GATB: variants seen among roughly 807,000 people sequenced by gnomAD.
The protein encoded by GATB is glutamyl-tRNA(Gln) amidotransferase subunit B, mitochondrial.
GATB carries 39 observed loss-of-function variants against 62.3 expected under a neutral mutation model. That is an observed-to-expected ratio of 0.63 (90% CI 0.48 to 0.82). The LOEUF (loss-of-function observed/expected upper bound fraction) is 0.82. Ranked by LOEUF, GATB falls within the 40% of genes least tolerant of loss-of-function variation. The pLI, the probability that GATB is intolerant of heterozygous loss-of-function variation, is 0.00. For missense variants in GATB, 670 were observed against 684.0 expected (o/e 0.98, Z 0.23); for synonymous variants, 276 against 258.9 (o/e 1.07, Z -0.63).
chr4:151,734,034 G>C (rs1739320516), intron 2 of GATB, among the ~76,000 whole-genome samples: 1 of 152,110 alleles, frequency 6.6e-6, no homozygotes, highest in Non-Finnish European at 1.5e-5. Context: ...TCTGAGAACT[G>C]GAACAAGACA....
intron 7 of GATB, among the ~76,000 whole-genome samples, chr4:151,704,834 C>G (rs1182189133): frequency 6.6e-6 from 1 of 151,904 alleles, no homozygotes; most frequent in Admixed American, 6.6e-5. Context: ...CTGCAAGCGC[C>G]GCCTCCCGGG....
intron 2 of GATB, among the ~76,000 whole-genome samples, chr4:151,751,290 G>A (rs1036010232): frequency 3.9e-5 from 6 of 152,156 alleles, no homozygotes; most frequent in Admixed American, 3.3e-4. Flanking sequence ...ATTACCTAAC[G>A]TTATCTTGTA....
chr4:151,694,400 C>G (rs534808971), intron 9 of GATB, among the ~76,000 whole-genome samples: 3 of 152,112 alleles, frequency 2.0e-5, no homozygotes, highest in Non-Finnish European at 4.4e-5. Context: ...TCTGAAAGCT[C>G]CTCATCCCTT....
chr4:151,723,299 C>T (rs1350595267), intron 2 of GATB: 1 of 152,142 alleles, frequency 6.6e-6, no homozygotes, highest in African/African-American at 2.4e-5. Flanking sequence ...CCTCATCTTA[C>T]AATGAAGGGA....
intron 9 of GATB, among the ~76,000 whole-genome samples, chr4:151,692,489 A>G (rs1738385641): frequency 6.6e-6 from 1 of 152,244 alleles, no homozygotes; most frequent in Non-Finnish European, 1.5e-5. Flanking sequence ...TGAAATCAGA[A>G]GGAGAAAATG....
At chr4:151,686,510 G>C (rs12647616) in intron 10 of GATB, among the ~76,000 whole-genome samples, 1 of 151,232 alleles carries the variant, frequency 6.6e-6, no homozygotes, top group African/African-American at 2.4e-5. Flanking sequence ...CCCCTGCCCC[G>C]GGACCTTGCA....
chr4:151,697,973 A>ATATATATATGTGTGTATATG (rs1738518973), intron 9 of GATB, among the ~76,000 whole-genome samples: 1 of 100,468 alleles, frequency 1.0e-5, no homozygotes, highest in African/African-American at 4.4e-5. Context: ...ATATATATAT[A>ATATATATATGTGTGTATATG]TATATATATA....
intron 9 of GATB, among the ~76,000 whole-genome samples, chr4:151,697,969 A>ATATATATATGTGTG (rs1738517975): frequency 9.8e-6 from 1 of 102,484 alleles, no homozygotes; most frequent in Non-Finnish European, 1.8e-5. Flanking sequence ...ATATATATAT[A>ATATATATATGTGTG]TATATATATA....
At chr4:151,759,617 T>A (rs1480304990) in intron 1 of GATB, among the ~76,000 whole-genome samples, 1 of 152,172 alleles carries the variant, frequency 6.6e-6, no homozygotes, top group East Asian at 1.9e-4. Context: ...TAATGCTTAT[T>A]TGCTATCAAA....
chr4:151,686,053 AAAAAC>A (rs1317596545), intron 10 of GATB, among the ~76,000 whole-genome samples: 2 of 127,766 alleles, frequency 1.6e-5, no homozygotes, highest in African/African-American at 6.5e-5. Context: ...ACTCTGTCTA[AAAAAC>A]AAAACAAAAC....
At chr4:151,757,704 C>T (rs1282650484) in intron 2 of GATB, among the ~76,000 whole-genome samples, 1 of 152,078 alleles carries the variant, frequency 6.6e-6, no homozygotes, top group Admixed American at 6.5e-5. Flanking sequence ...GTCTCGATCT[C>T]CTGACCTTGT....
rs536731064 is a variant in GATB, at chr4:151,682,395, A to C, written c.1332-2504T>G. On this transcript the variant is annotated intron_variant, in intron 10 of 12. Coordinates refer to ENST00000263985, the MANE Select transcript of GATB (RefSeq NM_004564.3). ...TCATCGCCTAAATAAATAAACCCTC[A>C]GACTCGACACGCAATGGCAGCAGCA... Among the ~76,000 whole-genome samples the C allele has an allele frequency of 2.0e-5, 3 of 152,314 alleles. No homozygotes were observed. In the East Asian group the frequency reaches 5.8e-4, roughly 29 times the overall value.
intron 9 of GATB, chr4:151,691,797 T>A (rs1738370839): frequency 6.6e-6 from 1 of 152,154 alleles, no homozygotes; most frequent in Non-Finnish European, 1.5e-5. Context: ...TGGACTATAT[T>A]TATTTACGAG....
chr4:151,711,529 G>A (rs771803181), intron 5 of GATB, among the ~76,000 whole-genome samples: 8 of 152,120 alleles, frequency 5.3e-5, no homozygotes, highest in Middle Eastern at 3.2e-3. Flanking sequence ...TGGAATGCTC[G>A]TCTCCTGGCT....
intron 2 of GATB, among the ~76,000 whole-genome samples, chr4:151,727,315 A>G (rs1739156267): frequency 1.3e-5 from 2 of 152,246 alleles, no homozygotes; most frequent in South Asian, 4.1e-4. Context: ...GGCCTACATC[A>G]GTCCTAGGTC....
intron 1 of GATB, among the ~76,000 whole-genome samples, chr4:151,760,444 C>G (rs1739930183): frequency 6.6e-6 from 1 of 152,200 alleles, no homozygotes; most frequent in African/African-American, 2.4e-5. Context: ...CCAGCCCATA[C>G]TAGCGCTAAA....
At chr4:151,751,355 T>C (rs1369419278) in intron 2 of GATB, among the ~76,000 whole-genome samples, 2 of 152,216 alleles carry the variant, frequency 1.3e-5, no homozygotes, top group African/African-American at 4.8e-5. Flanking sequence ...CTAGTCTGTT[T>C]CTTGGGAGCT....
chr4:151,704,177 T>A (rs751844311), intron 7 of GATB, among the ~76,000 whole-genome samples: 1 of 152,098 alleles, frequency 6.6e-6, no homozygotes, highest in African/African-American at 2.4e-5. Flanking sequence ...CTGCTTTAAG[T>A]ATACAATGCT....
intron 3 of GATB, among the ~76,000 whole-genome samples, chr4:151,719,188 G>A (rs370618597): frequency 2.6e-5 from 4 of 152,196 alleles, no homozygotes; most frequent in African/African-American, 4.8e-5. Flanking sequence ...AATTATGAGC[G>A]AGCCACCAGA....
Sources: gnomAD v4.1 joint callset for allele counts (sites outside exome capture counted in the v4.1 genomes callset) on GRCh38, gnomAD v4.1.1 for gene constraint, MANE v1.5 for transcripts, NCBI Gene and HGNC (gene_info 2026-07-23, HGNC 2026-07-21) for gene names.